The following PODN variants were observed in gnomAD, a reference collection of about 807,000 sequenced individuals.
PODN encodes podocan proteoglycan.
Under a neutral mutation model 52.7 loss-of-function variants are expected in PODN, and 40 were observed. The ratio of observed to expected loss-of-function variants is 0.76; its 90% CI spans 0.59 to 0.99. The LOEUF (loss-of-function observed/expected upper bound fraction) is 0.99. PODN is among the 50% of genes least tolerant of loss of function. The probability of loss-of-function intolerance (pLI) is 0.00; values close to 1 mark genes in which losing one functional copy is unlikely to be tolerated. For synonymous variants in PODN, 396 were observed against 377.9 expected (o/e 1.05, Z -0.56); for missense variants, 720 against 815.1 (o/e 0.88, Z 1.42).
In PODN at chr1:53,077,074, C is replaced by G. The variant is rs77629792; in HGVS notation, c.582-116C>G. 4,932 of 1,304,256 alleles carry G rather than the reference C, an allele frequency of 3.8e-3. 143 individuals carry two copies. In the African/African-American group the frequency reaches 0.064, roughly 17 times the overall value. The allele number at this position is 1,304,256 out of a possible 1,614,324, so 80.8% of individuals were successfully genotyped here. A position where few individuals can be genotyped will look rare whatever the true frequency, so the allele number is the denominator to read the frequency against. On this transcript the variant is annotated intron_variant, in intron 5 of 10. Coordinates refer to ENST00000312553, the MANE Select transcript of PODN (RefSeq NM_153703.5). ...CATCTGAGGTGCTTCTAACTCTGTACCCTTGAGTTTGGATGGAAGGAGAGC... is the reference window on the plus strand; with the variant it reads ...CATCTGAGGTGCTTCTAACTCTGTAGCCTTGAGTTTGGATGGAAGGAGAGC...
At chr1:53,072,676 T>C (rs957629937) in intron 3 of PODN, among the ~76,000 whole-genome samples, 2 of 152,206 alleles carry the variant, frequency 1.3e-5, no homozygotes, top group Non-Finnish European at 2.9e-5. Flanking sequence ...TCCCTAGACG[T>C]CCCTGTCTTC....
intron 1 of PODN, chr1:53,066,863 G>C (rs17107806): frequency 0.043 from 66,011 of 1,548,802 alleles, 3,885 homozygotes; most frequent in Admixed American, 0.25. Flanking sequence ...AGAACAGCCT[G>C]CCTGGTATGT....
intron 5 of PODN, among the ~76,000 whole-genome samples, chr1:53,076,517 A>G (rs767600863): frequency 6.6e-6 from 1 of 152,180 alleles, no homozygotes; most frequent in Non-Finnish European, 1.5e-5. Flanking sequence ...TGTCTGTCAC[A>G]GATGACCCTT....
In PODN at chr1:53,075,909, C is replaced by T; in HGVS notation, c.519C>T (p.Asp173=). 1 of 1,607,014 alleles carries T rather than the reference C, an allele frequency of 6.2e-7. No individual in the cohort carries two copies. Among genetic ancestry groups the T allele is most frequent in the Non-Finnish European group, 8.5e-7 (1 of 1,176,138 alleles). ...TGCCAAACGCCCTGATCAGTGTGGA[C>T]TTTGCTGCCAACTATCTCACCAAGA... ...RFLPNALISV[D]FAANYLTKIY... is the part of the protein sequence containing the mutation. Residue 173 remains aspartate, a synonymous_variant, in exon 5 of 11, where the codon GAC becomes GAT. Transcript: ENST00000312553.
chr1:53,082,368 G>A (rs1023905398), intron 10 of PODN, among the ~76,000 whole-genome samples, 180 bp downstream of exon 10: 4 of 152,192 alleles, frequency 2.6e-5, no homozygotes, highest in Non-Finnish European at 5.9e-5. Flanking sequence ...TGAAGCCTAC[G>A]GGAGGCCCAC....
intron 8 of PODN, 24 bp downstream of exon 8, chr1:53,079,046 G>A: frequency 6.7e-7 from 1 of 1,495,586 alleles, no homozygotes; most frequent in Non-Finnish European, 8.9e-7. Flanking sequence ...AGGGGGCTGA[G>A]CCATGCCCAT....
At position 53,080,745 on chromosome 1, in the gene PODN, G is replaced by C. The variant is rs1269068044; in HGVS notation, c.1530G>C (p.Gly510=). Residue 510 remains glycine, a synonymous_variant, in exon 9 of 11, where the codon GGG becomes GGC. Transcript: ENST00000312553. ...CCCTGCAGCTGCTGGACATCGCCGG[G>C]AATCAGCTCACAGAGATCCCCGAGG... ...LAHLQLLDIA[G]NQLTEIPEGL... is the part of the protein sequence containing the mutation. 2.5e-6 allele frequency: 4 copies of C among 1,613,898 alleles called. No homozygotes were observed. The highest frequency in any genetic ancestry group is 3.4e-6 in the Non-Finnish European group (4 of 1,179,986).
chr1:53,072,497 C>A (rs1334283090), intron 3 of PODN, among the ~76,000 whole-genome samples: 1 of 152,170 alleles, frequency 6.6e-6, no homozygotes. Flanking sequence ...GTTAAATTAA[C>A]TGGGGCAAAT....
chr1:53,074,835 G>C (rs781407789), intron 4 of PODN, among the ~76,000 whole-genome samples, 165 bp downstream of exon 4: 3 of 152,098 alleles, frequency 2.0e-5, no homozygotes, highest in Non-Finnish European at 2.9e-5. Context: ...CGGACCCCAT[G>C]CCTATAACTC....
At chr1:53,066,997 G>A (rs1484141393) in intron 1 of PODN, 32 of 851,902 alleles carry the variant, frequency 3.8e-5, no homozygotes, top group Non-Finnish European at 1.8e-5. Context: ...GACTACAGTG[G>A]GGTCAGATGG....
intron 1 of PODN, among the ~76,000 whole-genome samples, 176 bp from the exon 2 acceptor site, chr1:53,069,625 C>T (rs1028501507): frequency 2.6e-5 from 4 of 152,354 alleles, no homozygotes; most frequent in Admixed American, 1.3e-4. Flanking sequence ...GAGGACAGGG[C>T]TTTACCTCGT....
intron 8 of PODN, 97 bp downstream of exon 8, chr1:53,079,119 G>C (rs1422115951): frequency 8.7e-6 from 12 of 1,382,382 alleles, no homozygotes; most frequent in East Asian, 5.0e-5. Flanking sequence ...AGAAGGGCTG[G>C]GTGGTGAGGG....
intron 10 of PODN, 60 bp downstream of exon 10, chr1:53,082,248 C>A: frequency 7.0e-7 from 1 of 1,420,678 alleles, no homozygotes; most frequent in Non-Finnish European, 9.2e-7. Flanking sequence ...CCTTCCTGAC[C>A]CTGGTAGAGG....
intron 7 of PODN, 35 bp from the exon 8 acceptor site, chr1:53,078,329 CT>C (rs772022703): frequency 6.4e-7 from 1 of 1,569,380 alleles, no homozygotes; most frequent in African/African-American, 1.3e-5. Context: ...ACAATGTGGG[CT>C]CTTGCCAACC....
chr1:53,081,212 G>T (rs1269684046), intron 9 of PODN, among the ~76,000 whole-genome samples: 1 of 152,196 alleles, frequency 6.6e-6, no homozygotes, highest in Non-Finnish European at 1.5e-5. Flanking sequence ...CTGGGTCCGG[G>T]CCTCACACTC....
intron 1 of PODN, 30 bp from the exon 2 acceptor site, chr1:53,069,771 G>A (rs1531703): frequency 0.049 from 75,559 of 1,540,062 alleles, 2,505 homozygotes; most frequent in East Asian, 0.21. Flanking sequence ...GACTTTCGAG[G>A]GCCCCAGCTG....
chr1:53,070,001 A>G lies in PODN; in HGVS notation c.146A>G (p.Glu49Gly). The G allele has an allele frequency of 6.2e-7, 1 of 1,612,410 alleles. No individual in the cohort carries two copies. The highest frequency in any genetic ancestry group is 8.5e-7 in the Non-Finnish European group (1 of 1,179,728). Residue 49 changes from glutamate to glycine, a missense_variant, in exon 2 of 11, where the codon GAG becomes GGG. Transcript: ENST00000312553. Reference protein sequence around the residue: ...SPEENEFAEEEPVLVLSPEEP... With the variant: ...SPEENEFAEEGPVLVLSPEEP... ...GAAGAGAACGAATTTGCGGAGGAGG[A>G]GCCGGTGCTGGTACTGAGCCCTGAG...
At chr1:53,080,649 G>A (rs1056383728) in intron 8 of PODN, 79 bp from the exon 9 acceptor site, 2 of 1,472,084 alleles carry the variant, frequency 1.4e-6, no homozygotes, top group African/African-American at 2.8e-5. Flanking sequence ...AGATAGGCTG[G>A]GGGCTTGGTG....
rs1381302815 is a variant in PODN at position 53,080,824 on chromosome 1, G to A, written c.1609G>A (p.Val537Met). ...LYLQNNKISAVPANAFDSTPN... is the reference protein window; with the variant it reads ...LYLQNNKISAMPANAFDSTPN... ...CCTGCAGAACAACAAGATTAGTGCG[G>A]TGCCCGCCAATGCCTTCGACTCCAC... Residue 537 changes from valine to methionine, a missense_variant, in exon 9 of 11, where the codon GTG (valine) becomes ATG (methionine). Coordinates refer to ENST00000312553, the MANE Select transcript of PODN (RefSeq NM_153703.5). 5 of 1,613,980 alleles carry A rather than the reference G, an allele frequency of 3.1e-6. No homozygotes were observed. The highest frequency in any genetic ancestry group is 1.3e-5 in the African/African-American group (1 of 74,928).
Sources: allele counts gnomAD v4.1 joint callset (sites outside exome capture counted in the v4.1 genomes callset), GRCh38; gene constraint gnomAD v4.1.1; transcripts MANE v1.5; gene names NCBI Gene and HGNC (gene_info 2026-07-23, HGNC 2026-07-21).